The following ZFHX3 variants were observed in gnomAD, a reference collection of about 807,000 sequenced individuals.
ZFHX3 encodes zinc finger homeobox 3.
Under a neutral mutation model 279.1 loss-of-function variants are expected in ZFHX3, and 42 were observed. The ratio of observed to expected loss-of-function variants is 0.15; its 90% CI spans 0.12 to 0.19. ZFHX3 has a LOEUF of 0.19. ZFHX3 is among the 10% of genes least tolerant of loss of function. ZFHX3 has a pLI of 1.00. For synonymous variants in ZFHX3, 2,293 were observed against 1,957.8 expected (o/e 1.17, Z -4.52); for missense variants, 4,981 against 4,754.0 (o/e 1.05, Z -1.40).
intron 5 of ZFHX3, among the ~76,000 whole-genome samples, chr16:72,827,455 C>G (rs967337156): frequency 2.6e-5 from 4 of 152,150 alleles, no homozygotes; most frequent in Admixed American, 6.5e-5. Context: ...TGGGGTCACA[C>G]AGCTAATGAG....
intron 1 of ZFHX3, among the ~76,000 whole-genome samples, chr16:73,702,169 C>T (rs1405358559): frequency 1.3e-5 from 2 of 152,048 alleles, no homozygotes; most frequent in African/African-American, 4.8e-5. Context: ...GCACCCCCCA[C>T]CCTCCCCGTT....
intron 2 of ZFHX3, among the ~76,000 whole-genome samples, chr16:73,641,594 A>G (rs934116540): frequency 6.6e-6 from 1 of 152,204 alleles, no homozygotes; most frequent in African/African-American, 2.4e-5. Context: ...ATATACACTG[A>G]TGTAGGGAAG....
chr16:73,104,972 GAGA>G (rs757592868), intron 7 of ZFHX3, among the ~76,000 whole-genome samples: 80 of 152,260 alleles, frequency 5.3e-4, no homozygotes, highest in Middle Eastern at 3.4e-3. Context: ...GGACCATTCT[GAGA>G]AGAAGAAGTG....
chr16:73,211,873 G>A (rs1278405610), intron 5 of ZFHX3, among the ~76,000 whole-genome samples: 1 of 151,906 alleles, frequency 6.6e-6, no homozygotes, highest in African/African-American at 2.4e-5. Flanking sequence ...AGTGGGCCTC[G>A]GCCTCACACC....
At chr16:73,170,693 G>A (rs1967500382) in intron 5 of ZFHX3, among the ~76,000 whole-genome samples, 1 of 152,242 alleles carries the variant, frequency 6.6e-6, no homozygotes, top group Non-Finnish European at 1.5e-5. Flanking sequence ...CAAATCATCA[G>A]AGAGTCTGGG....
In ZFHX3 at chr16:73,093,386, C is replaced by T. The variant is rs8047760; in HGVS notation, c.-684G>A. Reference sequence around the variant, plus strand: ...CCACAGGGGACGACCCTGAAAAAGTCTGGCAGATGCAGAACCACAGCTGAT... The same window carrying T: ...CCACAGGGGACGACCCTGAAAAAGTTTGGCAGATGCAGAACCACAGCTGAT... On this transcript the variant is annotated 5_prime_UTR_variant, in exon 8 of 18. Coordinates refer to the ZFHX3 transcript ENST00000641206. 4 of 430,738 alleles carry T rather than the reference C, an allele frequency of 9.3e-6. No homozygotes were observed. The Admixed American group carries it at 1.1e-4, about 12-fold the overall frequency. 26.7% of individuals were successfully genotyped at this position (430,738 alleles called of 1,614,324 possible). A position where few individuals can be genotyped will look rare whatever the true frequency, so the allele number is the denominator to read the frequency against.
rs1414650050 is a variant in ZFHX3, at chr16:73,690,081, A to AT, written c.-1607-9842dup. 3.3e-5 allele frequency among the ~76,000 whole-genome samples: 5 copies of AT among 152,028 alleles called. No individual in the cohort carries two copies. The East Asian group carries it at 9.7e-4, about 29-fold the overall frequency. The stretch of plus-strand genomic sequence containing the variant: ...CAGGTGCACACCACACGTCTGGCTA[A>AT]TTTTTTTGTACTTTTAGTAGAGATG... On this transcript the variant is annotated intron_variant, in intron 1 of 17. Coordinates refer to the ZFHX3 transcript ENST00000641206.
intron 4 of ZFHX3, among the ~76,000 whole-genome samples, chr16:72,882,975 G>GGGGT (rs2038521208): frequency 8.8e-6 from 1 of 113,386 alleles, no homozygotes. Flanking sequence ...ACACCACTCT[G>GGGGT]GGGTGTGTGT....
At chr16:72,998,847 A>G (rs1442594949) in intron 1 of ZFHX3, among the ~76,000 whole-genome samples, 1 of 152,224 alleles carries the variant, frequency 6.6e-6, no homozygotes, top group Non-Finnish European at 1.5e-5. Context: ...AGATTTTCAC[A>G]GAATTGTGTA....
At chr16:73,387,566 T>G (rs1025766977) in intron 3 of ZFHX3, among the ~76,000 whole-genome samples, 1 of 152,086 alleles carries the variant, frequency 6.6e-6, no homozygotes, top group Non-Finnish European at 1.5e-5. Context: ...ACAATTAATT[T>G]CTGTAAAACC....
chr16:73,013,132 G>C (rs1484423638), intron 1 of ZFHX3, among the ~76,000 whole-genome samples: 1 of 152,178 alleles, frequency 6.6e-6, no homozygotes, highest in Non-Finnish European at 1.5e-5. Flanking sequence ...GAAGGGCAGA[G>C]AGGAGGCCAC....
intron 4 of ZFHX3, among the ~76,000 whole-genome samples, chr16:72,889,502 AAAAG>A (rs1476939292): frequency 6.6e-6 from 1 of 150,924 alleles, no homozygotes; most frequent in African/African-American, 2.5e-5. Context: ...AAAAAAAAAA[AAAAG>A]AAGAAGAAGA....
intron 4 of ZFHX3, among the ~76,000 whole-genome samples, chr16:72,841,062 T>C (rs772452604): frequency 7.7e-4 from 117 of 152,090 alleles, no homozygotes; most frequent in African/African-American, 2.6e-3. Context: ...ACACCCGGAG[T>C]GGCCAAGAAA....
intron 1 of ZFHX3, among the ~76,000 whole-genome samples, chr16:73,788,031 G>T (rs931263118): frequency 1.3e-5 from 2 of 152,090 alleles, no homozygotes; most frequent in Non-Finnish European, 2.9e-5. Flanking sequence ...AACCCAGAAG[G>T]AACAGTGGAG....
intron 3 of ZFHX3, among the ~76,000 whole-genome samples, chr16:72,902,343 T>TC (rs1480785757): frequency 6.6e-6 from 1 of 152,084 alleles, no homozygotes; most frequent in Non-Finnish European, 1.5e-5. Context: ...AAACACAGGC[T>TC]CCCAATCAAT....
chr16:72,934,745 T>C (rs143780038), intron 3 of ZFHX3, among the ~76,000 whole-genome samples: 83 of 152,308 alleles, frequency 5.4e-4, no homozygotes, highest in African/African-American at 1.8e-3. Flanking sequence ...ATCACAGTAA[T>C]ACAGTTTCTT....
intron 1 of ZFHX3, among the ~76,000 whole-genome samples, chr16:73,730,637 C>T (rs902921487): frequency 6.6e-6 from 1 of 152,172 alleles, no homozygotes; most frequent in Non-Finnish European, 1.5e-5. Context: ...GAGGCCCACT[C>T]ATGTGCGACT....
intron 2 of ZFHX3, among the ~76,000 whole-genome samples, chr16:73,670,162 G>T (rs1004765742): frequency 6.6e-6 from 1 of 152,192 alleles, no homozygotes; most frequent in Non-Finnish European, 1.5e-5. Flanking sequence ...TTCCTGAGAA[G>T]TATCTCAATG....
chr16:72,957,442 T>G lies in ZFHX3; in HGVS notation c.2704A>C (p.Met902Leu). 1 of 1,610,488 alleles carries G rather than the reference T, an allele frequency of 6.2e-7. No homozygotes were observed. The highest frequency in any genetic ancestry group is 8.5e-7 in the Non-Finnish European group (1 of 1,177,940). The change falls in exon 2 of 10, where the codon ATG becomes CTG. Residue 902 changes from methionine (M) to leucine (L), a missense_variant. Met to Leu is a conservative substitution (Grantham distance 15). Transcript: ENST00000268489. ...QLDPAGPMAAMTPALVGGEIP... is the reference protein window; with the variant it reads ...QLDPAGPMAALTPALVGGEIP... ...TCATCCTCACCTAGAGCAGGCGTCA[T>G]GGCGGCCATGGGCCCGGCGGGATCC...
Sources: allele counts gnomAD v4.1 joint callset (sites outside exome capture counted in the v4.1 genomes callset), GRCh38; gene constraint gnomAD v4.1.1; transcripts MANE v1.5; gene names NCBI Gene and HGNC (gene_info 2026-07-23, HGNC 2026-07-21).